ADGRL2: variants seen among roughly 807,000 people sequenced by gnomAD.
The protein encoded by ADGRL2 is calcium-independent alpha-latrotoxin receptor 2.
ADGRL2 carries 44 observed loss-of-function variants against 157.4 expected under a neutral mutation model. That is an observed-to-expected ratio of 0.28 (90% CI 0.22 to 0.36). ADGRL2 has a LOEUF of 0.36. Ranked by LOEUF, ADGRL2 falls within the 10% of genes least tolerant of loss-of-function variation. ADGRL2 has a pLI of 1.00. For missense variants in ADGRL2, 1,510 were observed against 1,768.9 expected (o/e 0.85, Z 2.63); for synonymous variants, 585 against 624.7 (o/e 0.94, Z 0.95).
intron 3 of ADGRL2, among the ~76,000 whole-genome samples, chr1:81,650,530 C>T (rs1206240879): frequency 2.7e-5 from 4 of 146,976 alleles, no homozygotes; most frequent in East Asian, 2.0e-4. Flanking sequence ...GAGCTGAGAT[C>T]GTGCCACTGC....
At chr1:81,739,616 G>C (rs1215666753) in intron 1 of ADGRL2, among the ~76,000 whole-genome samples, 1 of 152,112 alleles carries the variant, frequency 6.6e-6, no homozygotes, top group Non-Finnish European at 1.5e-5. Context: ...TGGTAACAAT[G>C]ACTTAAATAT....
chr1:81,689,430 C>A (rs1344006545), intron 3 of ADGRL2, among the ~76,000 whole-genome samples: 1 of 152,132 alleles, frequency 6.6e-6, no homozygotes, highest in Non-Finnish European at 1.5e-5. Context: ...AAGAAGGACC[C>A]AAGCCTGTGG....
intron 2 of ADGRL2, among the ~76,000 whole-genome samples, chr1:81,842,975 C>T (rs912079917): frequency 1.3e-5 from 2 of 151,994 alleles, no homozygotes; most frequent in African/African-American, 2.4e-5. Context: ...TAGCAAGGTA[C>T]TTGGGGATTT....
intron 1 of ADGRL2, among the ~76,000 whole-genome samples, chr1:81,344,372 AAATGTT>A (rs1402650663): frequency 3.9e-5 from 6 of 152,156 alleles, no homozygotes; most frequent in Non-Finnish European, 8.8e-5. Flanking sequence ...GTGACACAGA[AAATGTT>A]AATACAGCAG....
chr1:81,990,602 CA>C lies in ADGRL2; in HGVS notation c.3869del (p.Asn1290ThrfsTer11). The C allele has an allele frequency of 6.2e-7, 1 of 1,614,158 alleles. No homozygotes were observed. The highest frequency in any genetic ancestry group is 1.6e-4 in the Middle Eastern group (1 of 6,062). On this transcript the variant is annotated frameshift_variant, in exon 24 of 24. Transcript: ENST00000686636. LOFTEE classifies it high-confidence loss of function. Reference protein sequence around the residue: ...NNLRGSSKTHNLELTLPVKPV... With the variant: ...NNLRGSSKTHXLELTLPVKPV... ...ACTTACGGGGCAGCAGCAAGACTCA[CA>C]ACCTCGAGCTCACGCTACCAGTCAA...
chr1:81,502,516 G>A, intron 2 of ADGRL2: 1 of 1,614,094 alleles, frequency 6.2e-7, no homozygotes. Flanking sequence ...TGGCCAAACA[G>A]ATCCTGGACC....
At chr1:81,980,282 T>G (rs562876254) in intron 18 of ADGRL2, among the ~76,000 whole-genome samples, 54 of 151,892 alleles carry the variant, frequency 3.6e-4, no homozygotes, top group African/African-American at 1.3e-3. Flanking sequence ...TATATTAAGT[T>G]TGTTTTGTTA....
intron 3 of ADGRL2, among the ~76,000 whole-genome samples, chr1:81,931,068 G>T (rs1449657815): frequency 6.6e-6 from 1 of 152,192 alleles, no homozygotes; most frequent in African/African-American, 2.4e-5. Context: ...AGAATTGCTT[G>T]ACCCCGGGAG....
intron 2 of ADGRL2, among the ~76,000 whole-genome samples, chr1:81,512,431 A>C (rs578037049): frequency 6.6e-6 from 1 of 152,174 alleles, no homozygotes; most frequent in African/African-American, 2.4e-5. Flanking sequence ...TAACGTCAGC[A>C]GTTCTGTGTA....
At chr1:81,609,051 T>TC (rs989854535) in intron 3 of ADGRL2, among the ~76,000 whole-genome samples, 2 of 151,930 alleles carry the variant, frequency 1.3e-5, no homozygotes, top group African/African-American at 4.8e-5. Flanking sequence ...ATTTTTTTTT[T>TC]TTTTTGAGGC....
chr1:81,596,100 AT>A (rs200971906), intron 3 of ADGRL2: 3,266 of 267,184 alleles, frequency 0.012, 5 homozygotes, highest in Middle Eastern at 0.025. Context: ...GGGAACTAGG[AT>A]CTTTTTTTTT....
chr1:81,367,031 C>A (rs965097154), intron 1 of ADGRL2, among the ~76,000 whole-genome samples: 1 of 152,152 alleles, frequency 6.6e-6, no homozygotes, highest in Non-Finnish European at 1.5e-5. Context: ...GCTCAAGACC[C>A]ATATAGTCCA....
At chr1:81,432,412 C>G (rs369895051) in intron 1 of ADGRL2, among the ~76,000 whole-genome samples, 1 of 152,112 alleles carries the variant, frequency 6.6e-6, no homozygotes, top group Non-Finnish European at 1.5e-5. Context: ...CACCCCAGTG[C>G]GTATGCAGGA....
At chr1:81,311,579 C>A (rs1330102792) in intron 1 of ADGRL2, among the ~76,000 whole-genome samples, 2 of 152,080 alleles carry the variant, frequency 1.3e-5, no homozygotes, top group African/African-American at 4.8e-5. Flanking sequence ...TTGTAAAAAT[C>A]GAGTTAGCTT....
chr1:81,821,301 A>C (rs1557707691), intron 1 of ADGRL2, among the ~76,000 whole-genome samples: 1 of 152,314 alleles, frequency 6.6e-6, no homozygotes, highest in South Asian at 2.1e-4. Context: ...GTGAAGCAAT[A>C]GCATTTAATA....
At chr1:81,458,278 G>A (rs1442716999) in intron 2 of ADGRL2, among the ~76,000 whole-genome samples, 1 of 152,148 alleles carries the variant, frequency 6.6e-6, no homozygotes, top group African/African-American at 2.4e-5. Context: ...ATTTTCAAGT[G>A]TACAATAACA....
intron 1 of ADGRL2, among the ~76,000 whole-genome samples, chr1:81,349,138 C>T (rs1404470803): frequency 2.6e-5 from 4 of 152,082 alleles, no homozygotes; most frequent in Non-Finnish European, 5.9e-5. Flanking sequence ...GCAAAATTGC[C>T]TCCCAAGAGC....
intron 3 of ADGRL2, among the ~76,000 whole-genome samples, chr1:81,594,838 T>A (rs1317633743): frequency 1.3e-5 from 2 of 152,228 alleles, no homozygotes; most frequent in Non-Finnish European, 2.9e-5. Flanking sequence ...TCAGTCCAAA[T>A]GTGATTGTGC....
chr1:81,916,491 C>A (rs1287643157), intron 3 of ADGRL2, among the ~76,000 whole-genome samples: 1 of 151,288 alleles, frequency 6.6e-6, no homozygotes, highest in African/African-American at 2.4e-5. Flanking sequence ...TGTTTTTTTT[C>A]TTTTTTTGAC....
Sources: allele counts gnomAD v4.1 joint callset (sites outside exome capture counted in the v4.1 genomes callset), GRCh38; gene constraint gnomAD v4.1.1; transcripts MANE v1.5; gene names NCBI Gene and HGNC (gene_info 2026-07-23, HGNC 2026-07-21).